The following ARHGAP44 variants were observed in gnomAD, a reference collection of about 807,000 sequenced individuals.
ARHGAP44 encodes rho GTPase-activating protein 44.
In ARHGAP44, 43 loss-of-function variants were observed where a neutral mutation model predicts 106.8. That is an observed-to-expected ratio of 0.40 (90% CI 0.32 to 0.52). ARHGAP44 has a LOEUF of 0.52. Ranked by LOEUF, ARHGAP44 falls within the 20% of genes least tolerant of loss-of-function variation. The pLI is 0.48. For synonymous variants in ARHGAP44, 439 were observed against 410.3 expected (o/e 1.07, Z -0.85); for missense variants, 866 against 1,050.5 (o/e 0.82, Z 2.43).
At chr17:12,846,407 C>A (rs1392163369) in intron 1 of ARHGAP44, among the ~76,000 whole-genome samples, 1 of 152,052 alleles carries the variant, frequency 6.6e-6, no homozygotes, top group African/African-American at 2.4e-5. Context: ...TGTGTGTGTA[C>A]CCTCTTCCTT....
chr17:12,924,598 C>T (rs971127578), intron 6 of ARHGAP44, among the ~76,000 whole-genome samples: 1 of 152,110 alleles, frequency 6.6e-6, no homozygotes. Context: ...TATATTGAAG[C>T]GCTAACCCCC....
chr17:12,829,781 C>T (rs1037375676), intron 1 of ARHGAP44, among the ~76,000 whole-genome samples: 4 of 152,122 alleles, frequency 2.6e-5, no homozygotes, highest in Non-Finnish European at 5.9e-5. Flanking sequence ...CCTTCCTTGA[C>T]CACTCTATTT....
At chr17:12,847,512 CTTTTTTTTT>C (rs58514182) in intron 1 of ARHGAP44, among the ~76,000 whole-genome samples, 1 of 125,488 alleles carries the variant, frequency 8.0e-6, no homozygotes, top group African/African-American at 3.2e-5. Context: ...TACCATCACT[CTTTTTTTTT>C]TTTTTTTTTT....
rs375662607 is a variant in ARHGAP44 at position 12,923,671 on chromosome 17, G to A, written c.464+3840G>A. Among the ~76,000 whole-genome samples the A allele has an allele frequency of 2.6e-5, 4 of 152,274 alleles. 1 individual carries two copies. The highest frequency in any genetic ancestry group is 7.2e-5 in the African/African-American group (3 of 41,546). ...AGTTATAGGCTACAGGATGAAAAGG[G>A]CATTTTTAGCAAAGGTATACTCTTT... On this transcript the variant is annotated intron_variant, in intron 6 of 20. Coordinates refer to ENST00000379672, the MANE Select transcript of ARHGAP44 (RefSeq NM_014859.6).
chr17:12,920,375 C>A (rs1484969205), intron 6 of ARHGAP44, among the ~76,000 whole-genome samples: 645 of 88,990 alleles, frequency 7.2e-3, no homozygotes, highest in Non-Finnish European at 7.6e-3. Context: ...GACTCCATCT[C>A]AAAAAAAAAA....
rs201578442 is a variant in ARHGAP44, at chr17:12,984,618, C to T, written c.2027C>T (p.Pro676Leu). 2.2e-4 allele frequency: 356 copies of T among 1,611,456 alleles called. 4 individuals are homozygous for T. In the East Asian group the frequency reaches 7.8e-3, roughly 35 times the overall value. ...MADQSAGQPS[P>L]VSLSPTPPST... ...GACCAGTCCGCTGGCCAGCCGTCCC[C>T]AGTCAGCCTGTCCCCCACCCCGCCC... Residue 676 changes from proline (P) to leucine (L), a missense_variant, in exon 20 of 21, where the codon CCA (proline) becomes CTA (leucine). This residue lies in a region of ARHGAP44 where 418 missense variants were observed against 403.6 expected (regional missense o/e 1.04). Transcript: ENST00000379672.
At chr17:12,916,414 T>C (rs575094387) in intron 5 of ARHGAP44, among the ~76,000 whole-genome samples, 4 of 152,096 alleles carry the variant, frequency 2.6e-5, no homozygotes, top group African/African-American at 9.6e-5. Context: ...GATGGAGTCT[T>C]GCTCTGTCAC....
intron 3 of ARHGAP44, among the ~76,000 whole-genome samples, chr17:12,898,843 C>G (rs1350830629): frequency 6.6e-6 from 1 of 152,164 alleles, no homozygotes; most frequent in East Asian, 1.9e-4. Flanking sequence ...GTGGTTGTTA[C>G]CAGGCTCTGA....
At chr17:12,814,918 G>T (rs1270068721) in intron 1 of ARHGAP44, among the ~76,000 whole-genome samples, 1 of 152,122 alleles carries the variant, frequency 6.6e-6, no homozygotes, top group Non-Finnish European at 1.5e-5. Flanking sequence ...AAATATTGCT[G>T]AATCATGGTT....
chr17:12,916,051 A>G (rs750121215), intron 5 of ARHGAP44, 40 bp downstream of exon 5: 1 of 1,537,824 alleles, frequency 6.5e-7, no homozygotes, highest in Non-Finnish European at 9.0e-7. Flanking sequence ...AAGAGCAAGG[A>G]GGTACCGAAC....
At chr17:12,803,054 C>A (rs891904155) in intron 1 of ARHGAP44, among the ~76,000 whole-genome samples, 1 of 144,558 alleles carries the variant, frequency 6.9e-6, no homozygotes, top group African/African-American at 2.6e-5. Context: ...CTCACTGCAA[C>A]CTCTGCCTCC....
In ARHGAP44 at chr17:12,958,044, G is replaced by T. The variant is rs981230942; in HGVS notation, c.1343-673G>T. ...GAAATCAAGATAAAGAAATAAAGGAGGTAGGAGTCAAGACAGTAATCCTAT... is the reference window on the plus strand; with the variant it reads ...GAAATCAAGATAAAGAAATAAAGGATGTAGGAGTCAAGACAGTAATCCTAT... On this transcript the variant is annotated intron_variant, in intron 15 of 20. Coordinates refer to ENST00000379672, the MANE Select transcript of ARHGAP44 (RefSeq NM_014859.6). The surrounding 1 kb of genome is among the most constrained non-coding windows in gnomAD (Gnocchi z 4.1). Among the ~76,000 whole-genome samples, 7 of 152,092 alleles carry T rather than the reference G, an allele frequency of 4.6e-5. No individual in the cohort carries two copies. The highest frequency in any genetic ancestry group is 1.7e-4 in the African/African-American group (7 of 41,418).
At position 12,958,945 on chromosome 17, in the gene ARHGAP44, T is replaced by G; in HGVS notation, c.1523+48T>G. ...CAGCACTGGGGATTAGGGGAGGTGGTGGGGGTGGATGGGTGACGCATAAGA... is the reference window on the plus strand; with the variant it reads ...CAGCACTGGGGATTAGGGGAGGTGGGGGGGGTGGATGGGTGACGCATAAGA... On this transcript the variant is annotated intron_variant, in intron 16 of 20. Transcript: ENST00000379672. This position sits in a 1 kb window ranked among gnomAD's most constrained non-coding sequence, Gnocchi z 4.1. 2 of 1,559,180 alleles carry G rather than the reference T, an allele frequency of 1.3e-6. No homozygotes were observed. Among genetic ancestry groups the G allele is most frequent in the Non-Finnish European group, 1.7e-6 (2 of 1,148,826 alleles).
Position 12,878,001 on chromosome 17 carries a change from A to ATT in ARHGAP44, c.54-16937_54-16936dup, listed in dbSNP as rs1304118646. 2.0e-5 allele frequency among the ~76,000 whole-genome samples: 3 copies of ATT among 152,312 alleles called. No individual in the cohort carries two copies. The East Asian group carries it at 5.8e-4, about 29-fold the overall frequency. ...GTGCTGTAGTGATTATCAGCTCCAC[A>ATT]TTTCCTAAAGTGTATTCACCTGGTG... On this transcript the variant is annotated intron_variant, in intron 1 of 20. Transcript: ENST00000379672.
In ARHGAP44 at chr17:12,836,898, A is replaced by T. The variant is rs115975946; in HGVS notation, c.53+47007A>T. ...CAGAAAATTAGCAAGGACAAAGGAG[A>T]ACTGAACAATGCTGTAAACCAATTG... On this transcript the variant is annotated intron_variant, in intron 1 of 20. Transcript: ENST00000379672. 4.0e-3 allele frequency among the ~76,000 whole-genome samples: 615 copies of T among 152,328 alleles called. 8 individuals carry two copies. Among genetic ancestry groups the T allele is most frequent in the African/African-American group, 0.012 (483 of 41,564 alleles).
Position 12,991,112 on chromosome 17 carries a change from C to T in ARHGAP44, c.*941C>T, listed in dbSNP as rs1312089015. On this transcript the variant is annotated 3_prime_UTR_variant, in exon 21 of 21. Transcript: ENST00000379672. ...GGAGACGCTGGCCCACGGGCTCGGCCTGCGGTGTGGCCTGCTTTGCTCACC... is the reference window on the plus strand; with the variant it reads ...GGAGACGCTGGCCCACGGGCTCGGCTTGCGGTGTGGCCTGCTTTGCTCACC... 1 of 152,596 alleles carries T rather than the reference C, an allele frequency of 6.6e-6. No homozygotes were observed. The highest frequency in any genetic ancestry group is 1.5e-5 in the Non-Finnish European group (1 of 68,042). The allele number at this position is 152,596 out of a possible 1,614,324, so 9.5% of individuals were successfully genotyped here. A position where few individuals can be genotyped will look rare whatever the true frequency, so the allele number is the denominator to read the frequency against.
chr17:12,893,636 C>T (rs2037112753), intron 1 of ARHGAP44, among the ~76,000 whole-genome samples: 1 of 152,174 alleles, frequency 6.6e-6, no homozygotes, highest in Non-Finnish European at 1.5e-5. Flanking sequence ...GTGGTTGTTA[C>T]AGCCTGGTAG....
chr17:12,902,216 T>C (rs989276471), intron 3 of ARHGAP44, among the ~76,000 whole-genome samples: 2 of 152,142 alleles, frequency 1.3e-5, no homozygotes, highest in African/African-American at 2.4e-5. Flanking sequence ...CCCTCTGTCA[T>C]CATTCTTCAG....
chr17:12,922,497 C>T (rs966335139), intron 6 of ARHGAP44, among the ~76,000 whole-genome samples: 1 of 152,144 alleles, frequency 6.6e-6, no homozygotes, highest in Admixed American at 6.5e-5. Context: ...GGACACCATG[C>T]TCCTGGGCAG....
Sources: gnomAD v4.1 joint callset for allele counts (sites outside exome capture counted in the v4.1 genomes callset) on GRCh38, gnomAD v4.1.1 for gene constraint, gnomAD v4.1.1 regional missense constraint, Gnocchi (gnomAD v3.1) non-coding constraint, MANE v1.5 for transcripts, NCBI Gene and HGNC (gene_info 2026-07-23, HGNC 2026-07-21) for gene names.